IL1RAPL2: variants seen among roughly 807,000 people sequenced by gnomAD.
IL1RAPL2 encodes the protein interleukin 1 receptor accessory protein like 2, also known as X-linked interleukin-1 receptor accessory protein-like 2.
Under a neutral mutation model 44.1 loss-of-function variants are expected in IL1RAPL2, and 3 were observed. The observed-to-expected ratio is 0.07, with a 90% CI of 0.03 to 0.18. The LOEUF is 0.18. Ranked by LOEUF, IL1RAPL2 falls within the 10% of genes least tolerant of loss-of-function variation. The probability of loss-of-function intolerance (pLI) is 1.00; values close to 1 mark genes in which losing one functional copy is unlikely to be tolerated. For missense variants in IL1RAPL2, 391 were observed against 496.4 expected, an observed-to-expected ratio of 0.79 and a Z score of 2.02; for synonymous variants, 181 against 178.8, an observed-to-expected ratio of 1.01 and a Z score of -0.10.
intron 1 of IL1RAPL2, among the ~76,000 whole-genome samples, chrX:104,582,448 T>C (rs954275070): frequency 1.2e-4 from 13 of 111,638 alleles, no homozygotes; most frequent in Admixed American, 9.5e-4. Flanking sequence ...GTATACTTTT[T>C]TCTAACTTGG....
intron 5 of IL1RAPL2, among the ~76,000 whole-genome samples, chrX:105,361,987 A>G (rs2035251500): frequency 9.0e-6 from 1 of 111,677 alleles, no homozygotes; most frequent in Non-Finnish European, 1.9e-5. Flanking sequence ...ACTCTTTTGC[A>G]CTTTGAACAT....
chrX:104,711,484 C>G (rs376614980), intron 2 of IL1RAPL2, among the ~76,000 whole-genome samples: 19 of 110,300 alleles, frequency 1.7e-4, no homozygotes, highest in African/African-American at 5.9e-4. Context: ...CCTGCTCCTC[C>G]CACCAATATA....
chrX:104,869,779 A>G lies in IL1RAPL2; in HGVS notation c.82+210784A>G, dbSNP rs779520086. 2.1e-3 allele frequency among the ~76,000 whole-genome samples: 234 copies of G among 112,058 alleles called. 2 individuals are homozygous for G. Among genetic ancestry groups the G allele is most frequent in the African/African-American group, 7.0e-3 (215 of 30,907 alleles). On this transcript the variant is annotated intron_variant, in intron 2 of 10. Transcript: ENST00000372582. ...CAAAAGCTATAAGAATGTCAGTCAC[A>G]TGCAGATATTCAAACATAGAAAAGG...
At chrX:105,156,722 T>C (rs1460422654) in intron 2 of IL1RAPL2, among the ~76,000 whole-genome samples, 2 of 112,432 alleles carry the variant, frequency 1.8e-5, no homozygotes, top group Non-Finnish European at 3.8e-5. Context: ...ACAGTTTGCT[T>C]TATGATCCCA....
At chrX:104,977,986 G>A (rs2030369386) in intron 2 of IL1RAPL2, among the ~76,000 whole-genome samples, 1 of 111,345 alleles carries the variant, frequency 9.0e-6, no homozygotes, top group Non-Finnish European at 1.9e-5. Context: ...GGCACTGGTG[G>A]GCATGTCTTA....
intron 5 of IL1RAPL2, among the ~76,000 whole-genome samples, chrX:105,419,142 A>C (rs1163964064): frequency 4.5e-5 from 5 of 112,114 alleles, no homozygotes; most frequent in Non-Finnish European, 9.4e-5. Flanking sequence ...GTGTTTCGGT[A>C]AAATTTATCC....
chrX:104,857,536 G>C lies in IL1RAPL2; in HGVS notation c.82+198541G>C, dbSNP rs758359068. Among the ~76,000 whole-genome samples the C allele has an allele frequency of 2.7e-5, 3 of 112,089 alleles. No homozygotes were observed. The East Asian group carries it at 8.4e-4, about 31-fold the overall frequency. On this transcript the variant is annotated intron_variant, in intron 2 of 10. Coordinates refer to ENST00000372582, the MANE Select transcript of IL1RAPL2 (RefSeq NM_017416.2). ...ATGGAAAGACTGGGACCACTTTAAT[G>C]AGATTCCCATAAAGTGAAAACTGTT...
At chrX:105,183,164 G>C (rs1209285313) in intron 2 of IL1RAPL2, among the ~76,000 whole-genome samples, 1 of 111,397 alleles carries the variant, frequency 9.0e-6, no homozygotes, top group Non-Finnish European at 1.9e-5. Context: ...GACCCACTGT[G>C]GTGGGTGCAG....
At chrX:105,648,960 G>A (rs1371904118) in intron 6 of IL1RAPL2, among the ~76,000 whole-genome samples, 1 of 111,358 alleles carries the variant, frequency 9.0e-6, no homozygotes, top group African/African-American at 3.3e-5. Context: ...CTGAGGGTAA[G>A]AAGAGTCTGT....
intron 10 of IL1RAPL2, among the ~76,000 whole-genome samples, chrX:105,761,745 T>A (rs1398604772): frequency 8.9e-6 from 1 of 112,278 alleles, no homozygotes; most frequent in Non-Finnish European, 1.9e-5. Context: ...AATTTAAGCA[T>A]ATCAAATTAC....
chrX:105,242,755 A>G (rs1043579330), intron 4 of IL1RAPL2, among the ~76,000 whole-genome samples: 6 of 111,922 alleles, frequency 5.4e-5, no homozygotes, highest in South Asian at 3.7e-4. Context: ...TGAAAGTTCC[A>G]TCAAGAGAAG....
chrX:105,633,822 G>C (rs990242217), intron 6 of IL1RAPL2, among the ~76,000 whole-genome samples: 2 of 111,464 alleles, frequency 1.8e-5, no homozygotes, highest in Non-Finnish European at 3.8e-5. Flanking sequence ...TAGATACTTG[G>C]TTTTGGATTT....
chrX:105,200,388 A>G (rs1326153994), intron 3 of IL1RAPL2, among the ~76,000 whole-genome samples: 1 of 112,132 alleles, frequency 8.9e-6, no homozygotes, highest in African/African-American at 3.2e-5. Context: ...TGGGCTGGTA[A>G]TATGAGAATG....
chrX:104,585,529 T>C (rs1023397147), intron 1 of IL1RAPL2, among the ~76,000 whole-genome samples: 1 of 93,123 alleles, frequency 1.1e-5, no homozygotes, highest in Non-Finnish European at 2.1e-5. Context: ...GTTGTACAGA[T>C]TATTTCATCA....
intron 2 of IL1RAPL2, among the ~76,000 whole-genome samples, chrX:105,031,939 C>T (rs2031507731): frequency 9.0e-6 from 1 of 111,597 alleles, no homozygotes; most frequent in Non-Finnish European, 1.9e-5. Flanking sequence ...TCAACTTCTT[C>T]CTGGTTTAGA....
chrX:105,170,973 G>A (rs2033418138), intron 2 of IL1RAPL2, among the ~76,000 whole-genome samples: 1 of 111,431 alleles, frequency 9.0e-6, no homozygotes, highest in Non-Finnish European at 1.9e-5. Flanking sequence ...AACAGGCAGC[G>A]GTAAAGGGTG....
At chrX:105,331,792 A>T (rs1360969258) in intron 5 of IL1RAPL2, among the ~76,000 whole-genome samples, 4 of 111,764 alleles carry the variant, frequency 3.6e-5, no homozygotes, top group Non-Finnish European at 7.5e-5. Flanking sequence ...ATTTCTTCAA[A>T]TAAAATACTA....
intron 6 of IL1RAPL2, among the ~76,000 whole-genome samples, chrX:105,627,278 A>G (rs773335157): frequency 1.2e-4 from 13 of 111,616 alleles, no homozygotes; most frequent in African/African-American, 4.2e-4. Flanking sequence ...ATGATTATAG[A>G]TTTATTTCCC....
intron 2 of IL1RAPL2, among the ~76,000 whole-genome samples, chrX:104,735,435 C>G (rs1237029939): frequency 9.0e-6 from 1 of 110,815 alleles, no homozygotes; most frequent in East Asian, 2.9e-4. Context: ...CTATAGAAGT[C>G]TGTGCATGGC....
Sources: allele counts gnomAD v4.1 joint callset (sites outside exome capture counted in the v4.1 genomes callset), GRCh38; gene constraint gnomAD v4.1.1; transcripts MANE v1.5; gene names NCBI Gene and HGNC (gene_info 2026-07-23, HGNC 2026-07-21).